The following GSG1L variants were observed in gnomAD, a reference collection of about 807,000 sequenced individuals.
GSG1L encodes GSG1 like.
Under a neutral mutation model 42.1 loss-of-function variants are expected in GSG1L, and 24 were observed. That is an observed-to-expected ratio of 0.57 (90% CI 0.41 to 0.80). GSG1L has a LOEUF of 0.80. GSG1L is among the 30% of genes least tolerant of loss of function. The pLI is 0.00. For synonymous variants in GSG1L, 215 were observed against 203.5 expected (o/e 1.06, Z -0.48); for missense variants, 445 against 472.2 (o/e 0.94, Z 0.53).
chr16:27,831,662 C>G (rs1490763516), intron 4 of GSG1L, among the ~76,000 whole-genome samples: 1 of 152,058 alleles, frequency 6.6e-6, no homozygotes, highest in Non-Finnish European at 1.5e-5. Context: ...CCCAAGGGCC[C>G]CAGAAACAGA....
chr16:27,831,398 G>A (rs1178657082), intron 4 of GSG1L, among the ~76,000 whole-genome samples: 1 of 152,170 alleles, frequency 6.6e-6, no homozygotes, highest in Admixed American at 6.5e-5. Flanking sequence ...GGGAACCAAA[G>A]TTATTATATG....
At chr16:27,814,205 G>A (rs1344170607) in intron 5 of GSG1L, among the ~76,000 whole-genome samples, 1 of 152,118 alleles carries the variant, frequency 6.6e-6, no homozygotes, top group Non-Finnish European at 1.5e-5. Context: ...TCGACCTTCT[G>A]GGCTCAAGCG....
intron 4 of GSG1L, among the ~76,000 whole-genome samples, chr16:27,837,853 CT>C (rs199778968): frequency 0.092 from 12,929 of 140,874 alleles, 707 homozygotes; most frequent in East Asian, 0.21. Flanking sequence ...TTAGTTGGGC[CT>C]TTTTTTTTTT....
At chr16:27,803,771 ATATATAT>A (rs1229754957) in intron 6 of GSG1L, among the ~76,000 whole-genome samples, 2 of 17,620 alleles carry the variant, frequency 1.1e-4, no homozygotes, top group African/African-American at 9.1e-4. Flanking sequence ...GCAGACATAT[ATATATAT>A]ATATATATAT....
At chr16:27,972,834 G>T (rs2085208293) in intron 1 of GSG1L, among the ~76,000 whole-genome samples, 1 of 152,152 alleles carries the variant, frequency 6.6e-6, no homozygotes, top group Admixed American at 6.5e-5. Context: ...GTACACTCAG[G>T]GTGAGAATCA....
rs545133078 is a variant in GSG1L, at chr16:27,979,427, G to A, written c.350-16224C>T. 9.9e-5 allele frequency among the ~76,000 whole-genome samples: 15 copies of A among 151,268 alleles called. No individual in the cohort carries two copies. In the South Asian group the frequency reaches 1.5e-3, roughly 15 times the overall value. On this transcript the variant is annotated intron_variant, in intron 1 of 6. Transcript: ENST00000447459. ...CTAAAAATACAAAAATTAGCCTGGC[G>A]TGGTGGCAAGTGCCTGTAGTCCCAG...
intron 3 of GSG1L, among the ~76,000 whole-genome samples, chr16:27,850,954 C>T (rs1567486260): frequency 6.6e-6 from 1 of 151,732 alleles, no homozygotes; most frequent in Non-Finnish European, 1.5e-5. Flanking sequence ...TGTTAAACGC[C>T]GGGAAGGCGT....
intron 1 of GSG1L, among the ~76,000 whole-genome samples, chr16:28,044,382 A>G (rs2086140768): frequency 6.6e-6 from 1 of 152,358 alleles, no homozygotes; most frequent in East Asian, 1.9e-4. Context: ...TACCCTTACC[A>G]AACTATCCAA....
At chr16:27,909,967 T>TG (rs2084366775) in intron 2 of GSG1L, among the ~76,000 whole-genome samples, 1 of 147,054 alleles carries the variant, frequency 6.8e-6, no homozygotes, top group East Asian at 2.0e-4. Context: ...TTTTTTTTTT[T>TG]TTTTTTTGTT....
At chr16:27,961,839 G>A (rs1042731628) in intron 2 of GSG1L, among the ~76,000 whole-genome samples, 4 of 152,156 alleles carry the variant, frequency 2.6e-5, no homozygotes, top group Non-Finnish European at 5.9e-5. Flanking sequence ...GGGGGGTAGG[G>A]AGTCCTTGTC....
chr16:28,002,561 G>A (rs180711855), intron 1 of GSG1L, among the ~76,000 whole-genome samples: 10 of 151,808 alleles, frequency 6.6e-5, no homozygotes, highest in Non-Finnish European at 1.3e-4. Flanking sequence ...GTGGGGGCTG[G>A]AGTGAGCTGT....
At chr16:27,932,319 T>C (rs1052255086) in intron 2 of GSG1L, among the ~76,000 whole-genome samples, 4 of 152,278 alleles carry the variant, frequency 2.6e-5, no homozygotes, top group Non-Finnish European at 5.9e-5. Flanking sequence ...TCCCTAAGTG[T>C]TGGGATTATA....
intron 4 of GSG1L, among the ~76,000 whole-genome samples, chr16:27,831,470 T>C (rs1447643359): frequency 2.6e-5 from 4 of 152,222 alleles, no homozygotes; most frequent in South Asian, 4.1e-4. Context: ...TTCTAGTCTT[T>C]ATAGCCAAGG....
intron 6 of GSG1L, among the ~76,000 whole-genome samples, chr16:27,803,335 C>T (rs370552640): frequency 9.3e-4 from 142 of 152,204 alleles, no homozygotes; most frequent in African/African-American, 3.2e-3. Flanking sequence ...TCTGCGGCAG[C>T]CCTTGAACAA....
chr16:27,827,384 G>A (rs2083222507), intron 5 of GSG1L, among the ~76,000 whole-genome samples: 1 of 152,186 alleles, frequency 6.6e-6, no homozygotes, highest in Non-Finnish European at 1.5e-5. Context: ...GATTGTGCAA[G>A]CCCTGCCACA....
chr16:27,800,402 C>T (rs549387663), intron 6 of GSG1L, among the ~76,000 whole-genome samples: 1 of 152,310 alleles, frequency 6.6e-6, no homozygotes, highest in African/African-American at 2.4e-5. Flanking sequence ...TCGTGGAGCC[C>T]AGCCTTACAG....
chr16:28,023,378 C>T (rs1382172409), intron 1 of GSG1L, among the ~76,000 whole-genome samples: 1 of 152,130 alleles, frequency 6.6e-6, no homozygotes, highest in Non-Finnish European at 1.5e-5. Flanking sequence ...TATTAATGAA[C>T]ATTTTGTTTG....
At chr16:27,984,085 A>G (rs1406660806) in intron 1 of GSG1L, among the ~76,000 whole-genome samples, 1 of 152,192 alleles carries the variant, frequency 6.6e-6, no homozygotes, top group African/African-American at 2.4e-5. Context: ...CATGGTTTTT[A>G]TCCTAAAAGT....
At chr16:27,802,236 T>C (rs1267455242) in intron 6 of GSG1L, among the ~76,000 whole-genome samples, 2 of 152,182 alleles carry the variant, frequency 1.3e-5, no homozygotes, top group Non-Finnish European at 2.9e-5. Flanking sequence ...TTCGTCTCCA[T>C]GCTCCCAGGA....
Sources: gnomAD v4.1 joint callset for allele counts (sites outside exome capture counted in the v4.1 genomes callset) on GRCh38, gnomAD v4.1.1 for gene constraint, MANE v1.5 for transcripts, NCBI Gene and HGNC (gene_info 2026-07-23, HGNC 2026-07-21) for gene names.